SUCLG2: variants seen among roughly 807,000 people sequenced by gnomAD.
The protein encoded by SUCLG2 is succinate-CoA ligase GDP-forming subunit beta, also known as succinate--CoA ligase [GDP-forming] subunit beta, mitochondrial.
A neutral mutation model predicts 47.9 loss-of-function variants in SUCLG2; 42 were observed. That is an observed-to-expected ratio of 0.88 (90% CI 0.69 to 1.14). The LOEUF (loss-of-function observed/expected upper bound fraction) is 1.14. Among genes scored for constraint, SUCLG2 ranks in the 50% most tolerant of loss-of-function variants. The pLI is 0.00. For missense variants in SUCLG2, 571 were observed against 525.9 expected (o/e 1.09, Z -0.84); for synonymous variants, 195 against 197.3 (o/e 0.99, Z 0.10).
At chr3:67,443,359 T>C (rs80057158) in intron 9 of SUCLG2, among the ~76,000 whole-genome samples, 27,514 of 61,792 alleles carry the variant, frequency 0.45, 11,364 homozygotes, top group Admixed American at 0.64. Flanking sequence ...CGAGCGCCCC[T>C]CGGGAGGCAG....
At chr3:67,548,199 G>C (rs1227481167) in intron 2 of SUCLG2, among the ~76,000 whole-genome samples, 1 of 152,198 alleles carries the variant, frequency 6.6e-6, no homozygotes, top group Non-Finnish European at 1.5e-5. Flanking sequence ...AAACAGAGTT[G>C]AGATTTTTAA....
intron 9 of SUCLG2, among the ~76,000 whole-genome samples, chr3:67,462,862 A>T (rs1311022366): frequency 6.6e-6 from 1 of 152,162 alleles, no homozygotes; most frequent in African/African-American, 2.4e-5. Context: ...CTCCAGGTGG[A>T]GTGTCAGAAC....
At chr3:67,501,578 T>G (rs1358006485) in intron 7 of SUCLG2, among the ~76,000 whole-genome samples, 2 of 152,132 alleles carry the variant, frequency 1.3e-5, no homozygotes, top group South Asian at 2.1e-4. Flanking sequence ...GAGAGTCTTT[T>G]GTTCTATTAA....
chr3:67,426,656 G>A (rs186493276), intron 9 of SUCLG2, among the ~76,000 whole-genome samples: 47 of 152,246 alleles, frequency 3.1e-4, no homozygotes, highest in African/African-American at 7.9e-4. Context: ...CATGCTGGGC[G>A]CAGTGGCTCA....
chr3:67,633,896 C>A (rs1409735377), intron 1 of SUCLG2, among the ~76,000 whole-genome samples: 1 of 151,948 alleles, frequency 6.6e-6, no homozygotes, highest in Non-Finnish European at 1.5e-5. Flanking sequence ...TAAAATATTT[C>A]TTATATTTTA....
chr3:67,427,349 T>C (rs1023638141), intron 9 of SUCLG2, among the ~76,000 whole-genome samples: 1 of 152,192 alleles, frequency 6.6e-6, no homozygotes, highest in African/African-American at 2.4e-5. Context: ...ATTTTATTGT[T>C]CATAGACACA....
chr3:67,582,363 A>G (rs1707902241), intron 2 of SUCLG2, among the ~76,000 whole-genome samples: 1 of 152,144 alleles, frequency 6.6e-6, no homozygotes, highest in African/African-American at 2.4e-5. Context: ...GAGAACATGC[A>G]GTATTTGGTT....
chr3:67,380,292 C>T (rs72916792), intron 10 of SUCLG2, among the ~76,000 whole-genome samples: 9,239 of 151,768 alleles, frequency 0.061, 1,013 homozygotes, highest in African/African-American at 0.21. Context: ...CAAGCTGTTA[C>T]CACTTCTCCC....
chr3:67,593,839 C>T (rs749611318), intron 2 of SUCLG2, among the ~76,000 whole-genome samples: 37 of 152,236 alleles, frequency 2.4e-4, no homozygotes, highest in Non-Finnish European at 3.8e-4. Flanking sequence ...AATCACTAGC[C>T]CCAATTCCTC....
At chr3:67,556,932 A>G (rs1215993393) in intron 2 of SUCLG2, among the ~76,000 whole-genome samples, 1 of 152,214 alleles carries the variant, frequency 6.6e-6, no homozygotes, top group East Asian at 1.9e-4. Context: ...AACAGGCAAC[A>G]TGGGGAGTAT....
downstream of SUCLG2, among the ~76,000 whole-genome samples, chr3:67,373,345 G>A (rs1291246561): frequency 6.6e-6 from 1 of 151,912 alleles, no homozygotes; most frequent in Non-Finnish European, 1.5e-5. Flanking sequence ...AATTCTTGGA[G>A]GAGGGGATAA....
At chr3:67,568,478 T>C (rs879689858) in intron 2 of SUCLG2, among the ~76,000 whole-genome samples, 8 of 152,350 alleles carry the variant, frequency 5.3e-5, no homozygotes, top group Non-Finnish European at 1.2e-4. Flanking sequence ...CATCCTGGTC[T>C]TAAAGAAAAC....
At chr3:67,639,197 G>T (rs189685421) in intron 1 of SUCLG2, among the ~76,000 whole-genome samples, 57 of 152,310 alleles carry the variant, frequency 3.7e-4, no homozygotes, top group African/African-American at 1.3e-3. Flanking sequence ...ATATGTATCA[G>T]TAATTTACCA....
At chr3:67,391,418 C>CT (rs1233525780) in intron 10 of SUCLG2, among the ~76,000 whole-genome samples, 1 of 152,072 alleles carries the variant, frequency 6.6e-6, no homozygotes, top group Non-Finnish European at 1.5e-5. Context: ...GTATGTGATC[C>CT]TTTGGTCTGC....
intron 9 of SUCLG2, among the ~76,000 whole-genome samples, chr3:67,437,711 G>A (rs955313534): frequency 6.6e-6 from 1 of 152,090 alleles, no homozygotes; most frequent in Non-Finnish European, 1.5e-5. Flanking sequence ...TAGGTGGGGA[G>A]AATTTCATGC....
At position 67,652,901 on chromosome 3, in the gene SUCLG2, A is replaced by G. The variant is rs1701312263; in HGVS notation, c.84+1602T>C. On this transcript the variant is annotated intron_variant, in intron 1 of 10. Coordinates refer to ENST00000307227, the MANE Select transcript of SUCLG2 (RefSeq NM_003848.4). ...ACACTGTGTACCTTTCTATCTTTAA[A>G]AAAACCTACTTTTACCTTCTAAGAA... 2.6e-5 allele frequency among the ~76,000 whole-genome samples: 4 copies of G among 152,324 alleles called. No individual in the cohort carries two copies. The South Asian group carries it at 8.3e-4, about 32-fold the overall frequency.
chr3:67,367,893 G>A (rs556768243), intron 10 of SUCLG2, among the ~76,000 whole-genome samples: 1 of 152,028 alleles, frequency 6.6e-6, no homozygotes, highest in Admixed American at 6.5e-5. Context: ...TTTATATATG[G>A]AATATATATA....
In SUCLG2 at chr3:67,408,649, T is replaced by C. The variant is rs945048613; in HGVS notation, c.1063-7798A>G. ...TCCAATCTGTCCTTATTCTGTCTATTCTCTTCTTCCTAAATTCTTCACTTT... is the reference window on the plus strand; with the variant it reads ...TCCAATCTGTCCTTATTCTGTCTATCCTCTTCTTCCTAAATTCTTCACTTT... On this transcript the variant is annotated intron_variant, in intron 9 of 10. Transcript: ENST00000307227. 4 of 1,083,686 alleles carry C rather than the reference T, an allele frequency of 3.7e-6. No homozygotes were observed. In the South Asian group the frequency reaches 1.5e-4, roughly 40 times the overall value. 67.1% of individuals were successfully genotyped at this position (1,083,686 alleles called of 1,614,324 possible).
At chr3:67,387,283 T>A (rs995701447) in intron 10 of SUCLG2, among the ~76,000 whole-genome samples, 1 of 152,140 alleles carries the variant, frequency 6.6e-6, no homozygotes, top group Non-Finnish European at 1.5e-5. Flanking sequence ...AATGAGTGCA[T>A]CAGTATTGGT....
Sources: gnomAD v4.1 joint callset for allele counts (sites outside exome capture counted in the v4.1 genomes callset) on GRCh38, gnomAD v4.1.1 for gene constraint, MANE v1.5 for transcripts, NCBI Gene and HGNC (gene_info 2026-07-23, HGNC 2026-07-21) for gene names.